Variants in GYS2 observed in about 807,000 individuals in gnomAD.
The protein encoded by GYS2 is glycogen synthase 2, also known as glycogen [starch] synthase, liver.
Under a neutral mutation model 85.6 loss-of-function variants are expected in GYS2, and 80 were observed. The ratio of observed to expected loss-of-function variants is 0.93; its 90% CI spans 0.78 to 1.13. GYS2 has a LOEUF of 1.13. Among genes scored for constraint, GYS2 ranks in the 50% most tolerant of loss-of-function variants. The pLI is 0.00. For synonymous variants in GYS2, 328 were observed against 300.7 expected (o/e 1.09, Z -0.94); for missense variants, 881 against 854.9 (o/e 1.03, Z -0.38).
chr12:21,546,208 C>T, intron 12 of GYS2, 136 bp downstream of exon 12: 2 of 606,054 alleles, frequency 3.3e-6, no homozygotes, highest in Admixed American at 3.3e-5. Context: ...GTGATAAATC[C>T]AACCAAAATT....
Position 21,604,477 on chromosome 12 carries a change from T to A in GYS2, c.116A>T (p.Asn39Ile). ...CCTTCAGGAGCAGTACAAACCTTTA[T>A]TGGTCACTTCCCAAGCAACTTCAAA... ...LLFEVAWEVT[N>I]KVGGIYTVIQ... The change falls in exon 1 of 16, where the codon AAT (asparagine) becomes ATT (isoleucine). Residue 39 changes from asparagine (N) to isoleucine (I), a missense_variant. Coordinates refer to ENST00000261195, the MANE Select transcript of GYS2 (RefSeq NM_021957.4). 1 of 1,602,182 alleles carries A rather than the reference T, an allele frequency of 6.2e-7. No individual in the cohort carries two copies. The highest frequency in any genetic ancestry group is 8.6e-7 in the Non-Finnish European group (1 of 1,169,472).
chr12:21,580,313 A>G, intron 2 of GYS2, 29 bp downstream of exon 2: 3 of 1,589,212 alleles, frequency 1.9e-6, no homozygotes. Flanking sequence ...TTTACTGAGA[A>G]TTGCCAAGTG....
intron 15 of GYS2, 155 bp from the exon 16 acceptor site, chr12:21,537,330 C>T (rs1045889092): frequency 1.5e-6 from 1 of 669,852 alleles, no homozygotes; most frequent in African/African-American, 1.8e-5. Context: ...TTTGATACCA[C>T]CAATCTCAAG....
intron 13 of GYS2, among the ~76,000 whole-genome samples, chr12:21,542,214 A>AT (rs200095064): frequency 1.4e-4 from 21 of 151,674 alleles, no homozygotes; most frequent in African/African-American, 5.1e-4. Context: ...TACTTGGCTA[A>AT]TTTTTTTGTA....
chr12:21,561,556 T>C (rs898046434), intron 7 of GYS2, among the ~76,000 whole-genome samples: 1 of 152,210 alleles, frequency 6.6e-6, no homozygotes, highest in Non-Finnish European at 1.5e-5. Flanking sequence ...CTTCTCCAAG[T>C]ATTGCAGTTA....
chr12:21,559,049 T>C (rs904291458), intron 10 of GYS2, 42 bp downstream of exon 10: 3 of 1,124,406 alleles, frequency 2.7e-6, no homozygotes, highest in Non-Finnish European at 2.7e-6. Flanking sequence ...TAGATAGAAT[T>C]TAATAACTAT....
chr12:21,575,990 G>A lies in GYS2; in HGVS notation c.371C>T (p.Ala124Val). The A allele has an allele frequency of 6.2e-7, 1 of 1,613,762 alleles. No individual in the cohort carries two copies. The highest frequency in any genetic ancestry group is 8.5e-7 in the Non-Finnish European group (1 of 1,179,788). Residue 124 changes from alanine (A) to valine (V), a missense_variant, in exon 3 of 16, where the codon GCT becomes GTT. Physicochemically the swap from Ala to Val is moderately conservative, Grantham distance 64. Coordinates refer to ENST00000261195, the MANE Select transcript of GYS2 (RefSeq NM_021957.4). ...YVVLFDIGYS[A>V]WNLDRWKGDL... is the part of the protein sequence containing the mutation. The stretch of plus-strand genomic sequence containing the variant: ...ACCCTTCCACCTGTCCAGATTCCAA[G>A]CTGAATAGCCTATGTCAAAAAGTAC...
chr12:21,551,050 T>C (rs1430564644), intron 11 of GYS2, among the ~76,000 whole-genome samples: 1 of 151,934 alleles, frequency 6.6e-6, no homozygotes, highest in African/African-American at 2.4e-5. Flanking sequence ...AGGGTACATG[T>C]GCACATTGTG....
intron 11 of GYS2, among the ~76,000 whole-genome samples, chr12:21,550,839 G>C (rs1322136888): frequency 6.6e-6 from 1 of 152,082 alleles, no homozygotes; most frequent in African/African-American, 2.4e-5. Flanking sequence ...TACTCAGGAG[G>C]TTGGAGCAGG....
Position 21,580,442 on chromosome 12 carries a change from G to C in GYS2, c.203C>G (p.Pro68Arg). The change falls in exon 2 of 16, where the codon CCA becomes CGA. Residue 68 changes from proline (P) to arginine (R), a missense_variant. Coordinates refer to ENST00000261195, the MANE Select transcript of GYS2 (RefSeq NM_021957.4). ...AGTCTTCATATTATGCTCAAAATAT[G>C]GACCTATCAGAAAATAGTTCTCTCC... is the stretch of plus-strand genomic sequence containing the variant. ...EWGENYFLIG[P>R]YFEHNMKTQV... is the part of the protein sequence containing the mutation. 1 of 1,613,254 alleles carries C rather than the reference G, an allele frequency of 6.2e-7. No individual in the cohort carries two copies. Among genetic ancestry groups the C allele is most frequent in the Non-Finnish European group, 8.5e-7 (1 of 1,179,338 alleles).
At chr12:21,551,810 G>T (rs1565595458) in intron 11 of GYS2, among the ~76,000 whole-genome samples, 1 of 152,176 alleles carries the variant, frequency 6.6e-6, no homozygotes, top group African/African-American at 2.4e-5. Flanking sequence ...CTGTATCTGG[G>T]CAATCATCAA....
chr12:21,572,870 T>C (rs1944402263), intron 4 of GYS2, among the ~76,000 whole-genome samples: 1 of 152,220 alleles, frequency 6.6e-6, no homozygotes, highest in Non-Finnish European at 1.5e-5. Context: ...TCTGCCACTC[T>C]AATATTTTCT....
At chr12:21,533,279 T>C (rs545550907), downstream of GYS2, among the ~76,000 whole-genome samples, 2 of 152,304 alleles carry the variant, frequency 1.3e-5, no homozygotes, top group Admixed American at 1.3e-4. Context: ...AATACCATCA[T>C]TGTGTTCCTA....
Position 21,604,846 on chromosome 12 carries a change from C to A in GYS2, c.-254G>T. ...AGGACGGTATCTGCCCTGTCAGTAT[C>A]TACCCAAACAATCCAGAGCTGTCAA... On this transcript the variant is annotated 5_prime_UTR_variant, in exon 1 of 16. Transcript: ENST00000261195. 8.0e-7 allele frequency: 1 copy of A among 1,254,186 alleles called. No individual in the cohort carries two copies. Among genetic ancestry groups the A allele is most frequent in the Non-Finnish European group, 1.0e-6 (1 of 985,092 alleles). The allele number at this position is 1,254,186 out of a possible 1,614,324, so 77.7% of individuals were successfully genotyped here. A position where few individuals can be genotyped will look rare whatever the true frequency, so the allele number is the denominator to read the frequency against.
At chr12:21,590,281 A>G (rs1002239305) in intron 1 of GYS2, among the ~76,000 whole-genome samples, 29 of 152,164 alleles carry the variant, frequency 1.9e-4, no homozygotes, top group African/African-American at 6.5e-4. Flanking sequence ...CACACCACTG[A>G]GTGGCCTGAG....
chr12:21,576,175 C>G (rs1241148856), intron 2 of GYS2, 118 bp from the exon 3 acceptor site: 1 of 803,650 alleles, frequency 1.2e-6, no homozygotes, highest in Non-Finnish European at 2.1e-6. Flanking sequence ...AAACAAGCTA[C>G]TTAGAAAAGA....
At chr12:21,574,375 A>G in intron 3 of GYS2, 49 bp from the exon 4 acceptor site, 1 of 1,411,266 alleles carries the variant, frequency 7.1e-7, no homozygotes, top group Non-Finnish European at 1.0e-6. Flanking sequence ...ATGAAGCTTG[A>G]TTGTGCTCAT....
At chr12:21,602,156 TTTTCAGAAAG>T (rs1318905755) in intron 1 of GYS2, among the ~76,000 whole-genome samples, 2 of 152,116 alleles carry the variant, frequency 1.3e-5, no homozygotes, top group Non-Finnish European at 2.9e-5. Context: ...AAGGGGTTCT[TTTTCAGAAAG>T]TTTCAGAAAT....
intron 7 of GYS2, among the ~76,000 whole-genome samples, chr12:21,560,772 T>C (rs1380934853): frequency 6.6e-6 from 1 of 152,134 alleles, no homozygotes; most frequent in East Asian, 1.9e-4. Context: ...TCAAACAAAA[T>C]ATTTTCGTGC....
Sources: gnomAD v4.1 joint callset for allele counts (sites outside exome capture counted in the v4.1 genomes callset) on GRCh38, gnomAD v4.1.1 for gene constraint, MANE v1.5 for transcripts, NCBI Gene and HGNC (gene_info 2026-07-23, HGNC 2026-07-21) for gene names.